Variants in DENND2D observed in about 807,000 individuals in gnomAD.
DENND2D encodes DENN domain containing 2D.
DENND2D carries 37 observed loss-of-function variants against 59.8 expected under a neutral mutation model. The ratio of observed to expected loss-of-function variants is 0.62; its 90% CI spans 0.48 to 0.81. The LOEUF is 0.81. Ranked by LOEUF, DENND2D falls within the 40% of genes least tolerant of loss-of-function variation. The probability of loss-of-function intolerance (pLI) is 0.00; values close to 1 mark genes in which losing one functional copy is unlikely to be tolerated. For synonymous variants in DENND2D, 219 were observed against 211.3 expected, an observed-to-expected ratio of 1.04 and a Z score of -0.31; for missense variants, 525 against 579.7, an observed-to-expected ratio of 0.91 and a Z score of 0.97.
chr1:111,195,677 T>G (rs1306655841), intron 6 of DENND2D: 1 of 484,668 alleles, frequency 2.1e-6, no homozygotes, highest in Non-Finnish European at 3.7e-6. Context: ...CATGGTTTAT[T>G]TATTATAAAT....
rs1657924680 is a variant in DENND2D, at chr1:111,193,045, C to G, written c.795-728G>C. Among the ~76,000 whole-genome samples, 13 of 152,206 alleles carry G rather than the reference C, an allele frequency of 8.5e-5. No homozygotes were observed. The South Asian group carries it at 2.7e-3, about 31-fold the overall frequency. On this transcript the variant is annotated intron_variant, in intron 7 of 11. Coordinates refer to ENST00000357640, the MANE Select transcript of DENND2D (RefSeq NM_024901.5). ...CTCCTGCCCAAGTCACAACTTGGAC[C>G]CTACTCCTCTCGCCACCACATACAC...
intron 7 of DENND2D, 114 bp from the exon 8 acceptor site, chr1:111,192,431 A>T (rs1657868826): frequency 8.7e-7 from 1 of 1,155,158 alleles, no homozygotes. Context: ...GCCCATGGGC[A>T]GAAAGGCAAG....
chr1:111,187,508 T>G lies in DENND2D; in HGVS notation c.*97A>C. On this transcript the variant is annotated 3_prime_UTR_variant, in exon 12 of 12. Coordinates refer to ENST00000357640, the MANE Select transcript of DENND2D (RefSeq NM_024901.5). ...CCAAGACTCAGAGTGAGGATATGGATTTTGGGAGCTGACAGTTTTGCTGAT... is the reference window on the plus strand; with the variant it reads ...CCAAGACTCAGAGTGAGGATATGGAGTTTGGGAGCTGACAGTTTTGCTGAT... 1.0e-6 allele frequency: 1 copy of G among 962,416 alleles called. No homozygotes were observed. The highest frequency in any genetic ancestry group is 1.6e-5 in the African/African-American group (1 of 62,150). The allele number at this position is 962,416 out of a possible 1,614,324, so 59.6% of individuals were successfully genotyped here.
At position 111,188,712 on chromosome 1, in the gene DENND2D, A is replaced by G. The variant is rs1434340356; in HGVS notation, c.1089T>C (p.Asn363=). ...AGAGTAAGGACTTACTCTTTAACTC[A>G]TTGATCCCCTGACCAAGAGAGTCTA... The part of the protein sequence containing the change: ...DILDSLGQGI[N]ELKTAEQINE... Residue 363 remains asparagine (N), a synonymous_variant, in exon 10 of 12, where the codon AAT becomes AAC. Transcript: ENST00000357640. 1 of 1,613,994 alleles carries G rather than the reference A, an allele frequency of 6.2e-7. No homozygotes were observed. Among genetic ancestry groups the G allele is most frequent in the South Asian group, 1.1e-5 (1 of 91,074 alleles).
At chr1:111,194,132 G>A (rs766407393) in intron 7 of DENND2D, among the ~76,000 whole-genome samples, 9 of 152,210 alleles carry the variant, frequency 5.9e-5, no homozygotes, top group South Asian at 2.1e-4. Flanking sequence ...ATGTAATTCC[G>A]CATCCCCTTC....
chr1:111,191,866 C>T (rs1298108850), intron 8 of DENND2D, among the ~76,000 whole-genome samples: 2 of 152,186 alleles, frequency 1.3e-5, no homozygotes, highest in Non-Finnish European at 2.9e-5. Context: ...CTATCCACTG[C>T]CCCTTATGCC....
chr1:111,191,246 CCTT>C (rs1343288016), intron 8 of DENND2D, among the ~76,000 whole-genome samples: 1 of 152,156 alleles, frequency 6.6e-6, no homozygotes, highest in African/African-American at 2.4e-5. Flanking sequence ...GGAAACACAG[CCTT>C]CTTCTTTACT....
At chr1:111,190,163 CAA>C (rs533745407) in intron 8 of DENND2D, among the ~76,000 whole-genome samples, 15 of 85,242 alleles carry the variant, frequency 1.8e-4, no homozygotes, top group Admixed American at 9.8e-4. Flanking sequence ...GACTCTGTCT[CAA>C]AAAAAAAAAA....
chr1:111,189,625 C>G (rs1657541665), intron 8 of DENND2D, among the ~76,000 whole-genome samples: 1 of 152,212 alleles, frequency 6.6e-6, no homozygotes, highest in Admixed American at 6.5e-5. Context: ...CGTTTGATCT[C>G]AAGCAACAGT....
intron 6 of DENND2D, 21 bp from the exon 7 acceptor site, chr1:111,194,747 G>A (rs1326911602): frequency 1.9e-6 from 3 of 1,613,074 alleles, no homozygotes; most frequent in Non-Finnish European, 2.5e-6. Context: ...ACCAGAGAGA[G>A]AGAAGGTGTC....
intron 7 of DENND2D, 33 bp from the exon 8 acceptor site, chr1:111,192,350 GGCCCCT>G (rs772382236): frequency 1.2e-5 from 19 of 1,529,196 alleles, no homozygotes; most frequent in Non-Finnish European, 1.8e-6. Context: ...AGAGTCAGGG[GGCCCCT>G]GCACCACCAT....
rs1039186373 is a variant in DENND2D, at chr1:111,187,551, G to A, written c.*54C>T. On this transcript the variant is annotated 3_prime_UTR_variant, in exon 12 of 12. Coordinates refer to ENST00000357640, the MANE Select transcript of DENND2D (RefSeq NM_024901.5). ...TTGCTGATCCTGCCACACTGGCAGG[G>A]GCTGAAGTCCAGAAATGGTGTGTAG... The A allele has an allele frequency of 5.3e-6, 8 of 1,497,056 alleles. 1 individual carries two copies. The African/African-American group carries it at 8.3e-5, about 16-fold the overall frequency. 92.7% of individuals were successfully genotyped at this position (1,497,056 alleles called of 1,614,324 possible). A position where few individuals can be genotyped will look rare whatever the true frequency, so the allele number is the denominator to read the frequency against.
chr1:111,198,314 T>C (rs1443073350), intron 3 of DENND2D, among the ~76,000 whole-genome samples: 1 of 152,226 alleles, frequency 6.6e-6, no homozygotes, highest in Admixed American at 6.5e-5. Context: ...GAAGGGCCTT[T>C]GCTACGTCGC....
chr1:111,199,988 A>G, intron 1 of DENND2D, 190 bp from the exon 2 acceptor site: 1 of 688,430 alleles, frequency 1.5e-6, no homozygotes, highest in East Asian at 2.8e-5. Context: ...GCCCTGGTAG[A>G]CTTGAAACCA....
chr1:111,198,388 C>A (rs1340400336), intron 3 of DENND2D, among the ~76,000 whole-genome samples: 1 of 152,226 alleles, frequency 6.6e-6, no homozygotes, highest in East Asian at 1.9e-4. Context: ...TTAAAAGCAG[C>A]AACTATTGCT....
rs1368490094 is a variant in DENND2D at position 111,188,704 on chromosome 1, T to C, written c.1097A>G (p.Lys366Arg). Residue 366 changes from lysine to arginine, a missense_variant and splice_region_variant, in exon 10 of 12, where the codon AAG becomes AGG. Transcript: ENST00000357640. ...DSLGQGINEL[K>R]TAEQINEHVS... ...CCAAAATAAGAGTAAGGACTTACTC[T>C]TTAACTCATTGATCCCCTGACCAAG... The C allele has an allele frequency of 1.9e-6, 3 of 1,613,602 alleles. No homozygotes were observed. In the Admixed American group the frequency reaches 5.0e-5, roughly 27 times the overall value.
Position 111,197,237 on chromosome 1 carries a change from G to T in DENND2D, c.443C>A (p.Pro148His), listed in dbSNP as rs1026164401. The T allele has an allele frequency of 1.2e-6, 2 of 1,613,364 alleles. No individual in the cohort carries two copies. Among genetic ancestry groups the T allele is most frequent in the Non-Finnish European group, 1.7e-6 (2 of 1,179,904 alleles). ...GATGCAGTACACTTTGGGAAGGCGA[G>T]GGCCAGGGCCGGCAGGCTGGGGAGG... The part of the protein sequence containing the change: ...CRRLLPAGPG[P>H]RLPKVYCIIS... The change falls in exon 5 of 12, where the codon CCT (proline) becomes CAT (histidine). Residue 148 changes from proline (P) to histidine (H), a missense_variant. Around this residue, in one of 3 missense-constraint regions of DENND2D, gnomAD observed 253 missense variants for 246.4 expected, o/e 1.03. Coordinates refer to ENST00000357640, the MANE Select transcript of DENND2D (RefSeq NM_024901.5).
At chr1:111,203,732 G>A (rs1371655172), upstream of DENND2D, among the ~76,000 whole-genome samples, 1 of 152,184 alleles carries the variant, frequency 6.6e-6, no homozygotes, top group African/African-American at 2.4e-5. Flanking sequence ...TTCTACCGCC[G>A]CTCCGCTGGA....
Position 111,187,656 on chromosome 1 carries a change from T to G in DENND2D, c.1365A>C (p.Glu455Asp). 6.2e-7 allele frequency: 1 copy of G among 1,613,912 alleles called. No homozygotes were observed. The highest frequency in any genetic ancestry group is 8.5e-7 in the Non-Finnish European group (1 of 1,179,842). ...PAGYFQQKIL[E>D]YEEQKKQKKP... is the part of the protein sequence containing the mutation. ...TCTTCTGTTTCTTCTGTTCCTCATA[T>G]TCAAGTATTTTCTGTTGGAAATAGC... Residue 455 changes from glutamate to aspartate, a missense_variant, in exon 12 of 12, where the codon GAA becomes GAC. Physicochemically the swap from Glu to Asp is conservative, Grantham distance 45. This residue lies in a region of DENND2D where 225 missense variants were observed against 252.4 expected (regional missense o/e 0.89). Coordinates refer to ENST00000357640, the MANE Select transcript of DENND2D (RefSeq NM_024901.5).
Sources: allele counts gnomAD v4.1 joint callset (sites outside exome capture counted in the v4.1 genomes callset), GRCh38; gene constraint gnomAD v4.1.1; regional missense constraint gnomAD v4.1.1; transcripts MANE v1.5; gene names NCBI Gene and HGNC (gene_info 2026-07-23, HGNC 2026-07-21).